The following PACRG variants were observed in gnomAD, a reference collection of about 807,000 sequenced individuals.
The protein encoded by PACRG is parkin coregulated.
Under a neutral mutation model 29.7 loss-of-function variants are expected in PACRG, and 29 were observed. That is an observed-to-expected ratio of 0.98 (90% CI 0.73 to 1.33). PACRG has a LOEUF of 1.33. Ranked by LOEUF, PACRG falls within the 40% of genes most tolerant of loss-of-function variation. The pLI, the probability that PACRG is intolerant of heterozygous loss-of-function variation, is 0.00. For synonymous variants in PACRG, 116 were observed against 118.7 expected (o/e 0.98, Z 0.15); for missense variants, 279 against 316.2 (o/e 0.88, Z 0.89).
At chr6:162,901,100 TA>T (rs1410958905) in intron 2 of PACRG, among the ~76,000 whole-genome samples, 2 of 152,242 alleles carry the variant, frequency 1.3e-5, no homozygotes, top group East Asian at 3.9e-4. Context: ...ACCTGGCACA[TA>T]AAAGACCAGG....
intron 4 of PACRG, among the ~76,000 whole-genome samples, chr6:163,233,257 C>A (rs1782116265): frequency 6.6e-6 from 1 of 152,148 alleles, no homozygotes; most frequent in African/African-American, 2.4e-5. Context: ...AGGGACAAAG[C>A]TGAAGGTGTG....
chr6:162,994,619 G>T (rs1000783591), intron 2 of PACRG, among the ~76,000 whole-genome samples: 1 of 149,506 alleles, frequency 6.7e-6, no homozygotes, highest in Admixed American at 6.6e-5. Context: ...TCTCTGTATT[G>T]GTTATTCTAG....
At chr6:163,304,028 A>AG (rs1285439819) in intron 4 of PACRG, among the ~76,000 whole-genome samples, 2 of 151,352 alleles carry the variant, frequency 1.3e-5, no homozygotes, top group East Asian at 3.9e-4. Context: ...AAAAAAAAAA[A>AG]AAAAAAAAAA....
At chr6:163,285,732 C>T (rs935048266) in intron 4 of PACRG, among the ~76,000 whole-genome samples, 3 of 152,212 alleles carry the variant, frequency 2.0e-5, no homozygotes, top group African/African-American at 4.8e-5. Context: ...ATGCCTGTGT[C>T]ATAAGGAGCA....
intron 2 of PACRG, among the ~76,000 whole-genome samples, chr6:162,958,876 T>TAGAGAG (rs1800330377): frequency 3.3e-5 from 1 of 30,050 alleles, no homozygotes; most frequent in Non-Finnish European, 6.3e-5. Flanking sequence ...TATATATATA[T>TAGAGAG]ATATATATAG....
At chr6:163,159,941 C>A (rs1229101268) in intron 4 of PACRG, among the ~76,000 whole-genome samples, 2 of 152,206 alleles carry the variant, frequency 1.3e-5, no homozygotes, top group African/African-American at 4.8e-5. Flanking sequence ...AACCCACGCT[C>A]AGCCCCACTC....
At chr6:163,159,968 G>A (rs528658430) in intron 4 of PACRG, among the ~76,000 whole-genome samples, 1 of 152,234 alleles carries the variant, frequency 6.6e-6, no homozygotes, top group South Asian at 2.1e-4. Flanking sequence ...TGCCAGCCCT[G>A]CTCCGACAGA....
intron 1 of PACRG, among the ~76,000 whole-genome samples, chr6:162,750,426 A>G (rs1374298660): frequency 6.6e-6 from 1 of 152,224 alleles, no homozygotes. Context: ...AAGTTAGACC[A>G]TGTATTCCTA....
chr6:163,202,857 C>T lies in PACRG; in HGVS notation c.614-111970C>T, dbSNP rs189494748. 4.6e-5 allele frequency among the ~76,000 whole-genome samples: 7 copies of T among 152,250 alleles called. 1 individual carries two copies. The East Asian group carries it at 9.6e-4, about 21-fold the overall frequency. ...AAATACAGAACATTGAAGGAGTGGT[C>T]GGGAGGCCAGGATCCCAAGTCAGAC... is the stretch of plus-strand genomic sequence containing the variant. On this transcript the variant is annotated intron_variant, in intron 4 of 4. Coordinates refer to ENST00000366888, the MANE Select transcript of PACRG (RefSeq NM_001080379.2).
At chr6:163,033,552 G>A (rs1453715659) in intron 2 of PACRG, among the ~76,000 whole-genome samples, 1 of 152,034 alleles carries the variant, frequency 6.6e-6, no homozygotes, top group Non-Finnish European at 1.5e-5. Flanking sequence ...TAAATAAAAG[G>A]CATTACACTT....
intron 4 of PACRG, chr6:163,184,929 A>G (rs1466820394): frequency 6.6e-6 from 1 of 152,208 alleles, no homozygotes; most frequent in Non-Finnish European, 1.5e-5. Context: ...CTGGTGGGCA[A>G]ATGGAAATGG....
chr6:163,214,656 T>G (rs1436064745), intron 4 of PACRG, among the ~76,000 whole-genome samples: 1 of 152,160 alleles, frequency 6.6e-6, no homozygotes, highest in Non-Finnish European at 1.5e-5. Context: ...TTCTCACTGA[T>G]AATTATTTAT....
At chr6:163,204,812 A>C (rs1438068630) in intron 4 of PACRG, among the ~76,000 whole-genome samples, 3 of 152,236 alleles carry the variant, frequency 2.0e-5, no homozygotes, top group Non-Finnish European at 4.4e-5. Context: ...TTCTATACCT[A>C]CAAAACCCCA....
chr6:162,812,572 A>AT (rs1250829288), intron 1 of PACRG, among the ~76,000 whole-genome samples: 8 of 151,852 alleles, frequency 5.3e-5, no homozygotes, highest in Admixed American at 1.3e-4. Flanking sequence ...TCTAAAAAAA[A>AT]ATAACTTTTT....
chr6:163,065,628 A>G (rs976572461), intron 3 of PACRG, among the ~76,000 whole-genome samples: 1 of 152,230 alleles, frequency 6.6e-6, no homozygotes, highest in African/African-American at 2.4e-5. Context: ...GAGGAAAAGA[A>G]TACCTCAACA....
chr6:163,236,433 T>A (rs1782241504), intron 4 of PACRG, among the ~76,000 whole-genome samples: 1 of 152,208 alleles, frequency 6.6e-6, no homozygotes, highest in Non-Finnish European at 1.5e-5. Context: ...CTTCTACGTA[T>A]TCCTAAGCAT....
At chr6:163,149,192 G>T (rs960348553) in intron 4 of PACRG, among the ~76,000 whole-genome samples, 1 of 151,830 alleles carries the variant, frequency 6.6e-6, no homozygotes, top group Non-Finnish European at 1.5e-5. Context: ...CACAGTCCAG[G>T]CCGGTCGGGT....
At chr6:162,987,995 C>A (rs568162202) in intron 2 of PACRG, among the ~76,000 whole-genome samples, 1 of 152,246 alleles carries the variant, frequency 6.6e-6, no homozygotes, top group Non-Finnish European at 1.5e-5. Flanking sequence ...TGGCCTCCAC[C>A]CAGGTGGTGG....
chr6:162,947,339 TATA>T (rs572043028), intron 2 of PACRG, among the ~76,000 whole-genome samples: 4 of 18,632 alleles, frequency 2.1e-4, no homozygotes, highest in African/African-American at 4.0e-4. Context: ...TAATCATATA[TATA>T]ATGATTACAT....
Sources: gnomAD v4.1 joint callset for allele counts (sites outside exome capture counted in the v4.1 genomes callset) on GRCh38, gnomAD v4.1.1 for gene constraint, MANE v1.5 for transcripts, NCBI Gene and HGNC (gene_info 2026-07-23, HGNC 2026-07-21) for gene names.